NPAS3: variants seen among roughly 807,000 people sequenced by gnomAD.
NPAS3 encodes neuronal PAS domain-containing protein 3.
In NPAS3, 14 loss-of-function variants were observed where a neutral mutation model predicts 73.1. The observed-to-expected ratio is 0.19, with a 90% confidence interval of 0.13 to 0.30. The LOEUF is 0.30. NPAS3 is among the 10% of genes least tolerant of loss of function. The probability of loss-of-function intolerance (pLI) is 1.00; values close to 1 mark genes in which losing one functional copy is unlikely to be tolerated. For synonymous variants in NPAS3, 620 were observed against 541.5 expected (o/e 1.14, Z -2.01); for missense variants, 1,096 against 1,250.0 (o/e 0.88, Z 1.86).
intron 1 of NPAS3, among the ~76,000 whole-genome samples, chr14:32,957,402 C>G (rs571991541): frequency 6.9e-6 from 1 of 144,394 alleles, no homozygotes; most frequent in African/African-American, 2.6e-5. Context: ...AATGGAGTCT[C>G]GCTCTGTGGC....
chr14:33,174,998 C>T (rs910589196), intron 2 of NPAS3, among the ~76,000 whole-genome samples: 1 of 152,134 alleles, frequency 6.6e-6, no homozygotes, highest in African/African-American at 2.4e-5. Context: ...AAAAAGGAAA[C>T]AAACATTGAG....
At chr14:33,121,981 A>ACTTACAGTGTATTTTC (rs1566582295) in intron 2 of NPAS3, among the ~76,000 whole-genome samples, 1 of 152,186 alleles carries the variant, frequency 6.6e-6, no homozygotes, top group Non-Finnish European at 1.5e-5. Flanking sequence ...AGTGTATTTT[A>ACTTACAGTGTATTTTC]CTTACAGTGT....
chr14:33,750,021 C>A (rs923525548), intron 7 of NPAS3, among the ~76,000 whole-genome samples: 5 of 152,076 alleles, frequency 3.3e-5, no homozygotes, highest in Admixed American at 3.3e-4. Context: ...GCCATCCAGT[C>A]CTAAAAAATT....
intron 4 of NPAS3, among the ~76,000 whole-genome samples, chr14:33,372,345 T>C (rs1489870460): frequency 6.6e-6 from 1 of 152,202 alleles, no homozygotes; most frequent in Non-Finnish European, 1.5e-5. Flanking sequence ...GTCTCTGCTG[T>C]GCATATCTAA....
intron 4 of NPAS3, among the ~76,000 whole-genome samples, chr14:33,383,066 G>A (rs528938143): frequency 6.6e-4 from 90 of 135,450 alleles, no homozygotes; most frequent in African/African-American, 2.5e-3. Flanking sequence ...CAGCCTGTGT[G>A]ACAGAGCAAA....
At chr14:33,357,430 C>T (rs965617250) in intron 3 of NPAS3, among the ~76,000 whole-genome samples, 5 of 152,104 alleles carry the variant, frequency 3.3e-5, no homozygotes, top group African/African-American at 9.7e-5. Flanking sequence ...GCAGTTGGCT[C>T]GCAGGGTTTG....
At chr14:33,190,069 T>C (rs1271464258) in intron 2 of NPAS3, among the ~76,000 whole-genome samples, 6 of 152,214 alleles carry the variant, frequency 3.9e-5, no homozygotes, top group African/African-American at 1.4e-4. Context: ...CACACTCCTA[T>C]AATACATCAA....
intron 7 of NPAS3, among the ~76,000 whole-genome samples, chr14:33,736,541 T>A (rs891655734): frequency 4.6e-5 from 7 of 152,192 alleles, no homozygotes; most frequent in African/African-American, 1.7e-4. Flanking sequence ...ACAGACCCTA[T>A]CCTTAGGACC....
intron 2 of NPAS3, among the ~76,000 whole-genome samples, chr14:33,099,362 T>TA (rs1046948921): frequency 6.6e-6 from 1 of 152,194 alleles, no homozygotes; most frequent in Non-Finnish European, 1.5e-5. Context: ...CATACATACA[T>TA]ACAAAATTCT....
chr14:33,123,144 T>C (rs144307081), intron 2 of NPAS3, among the ~76,000 whole-genome samples: 350 of 152,218 alleles, frequency 2.3e-3, no homozygotes, highest in African/African-American at 7.1e-3. Context: ...GTATTTTATG[T>C]AGAAGATAAA....
chr14:33,778,603 C>CACACA, intron 9 of NPAS3, 31 bp downstream of exon 9: 1 of 1,443,206 alleles, frequency 6.9e-7, no homozygotes, highest in Non-Finnish European at 9.8e-7. Flanking sequence ...GGAATAACCC[C>CACACA]GGCTGGTGTC....
At chr14:33,505,694 C>T (rs1239455649) in intron 4 of NPAS3, among the ~76,000 whole-genome samples, 1 of 151,960 alleles carries the variant, frequency 6.6e-6, no homozygotes, top group African/African-American at 2.4e-5. Flanking sequence ...ACAGAACTTT[C>T]CAAATTAGGG....
At chr14:33,422,697 A>C (rs2048405248) in intron 4 of NPAS3, among the ~76,000 whole-genome samples, 1 of 151,974 alleles carries the variant, frequency 6.6e-6, no homozygotes, top group Non-Finnish European at 1.5e-5. Flanking sequence ...TATCTGTTGA[A>C]TGAATTAACT....
At chr14:33,080,941 A>T (rs1037020041) in intron 2 of NPAS3, among the ~76,000 whole-genome samples, 1 of 152,176 alleles carries the variant, frequency 6.6e-6, no homozygotes. Context: ...TATTTCCTGA[A>T]GTGTTTCCCA....
intron 1 of NPAS3, among the ~76,000 whole-genome samples, chr14:32,973,285 T>C (rs2037514779): frequency 1.3e-5 from 2 of 152,160 alleles, no homozygotes; most frequent in Admixed American, 1.3e-4. Flanking sequence ...TTGTCTCTTA[T>C]TAATTTTTTT....
chr14:33,286,655 C>T (rs1299213795), intron 3 of NPAS3, among the ~76,000 whole-genome samples: 4 of 151,526 alleles, frequency 2.6e-5, no homozygotes, highest in African/African-American at 9.7e-5. Flanking sequence ...AATGTGAGGG[C>T]TTTTCTTGGC....
At chr14:33,213,527 T>C (rs1392246429) in intron 2 of NPAS3, among the ~76,000 whole-genome samples, 3 of 152,336 alleles carry the variant, frequency 2.0e-5, no homozygotes, top group East Asian at 3.9e-4. Flanking sequence ...CTCTCACTTA[T>C]GTAGCTTTCA....
rs186866958 is a variant in NPAS3, at chr14:33,769,716, T to G, written c.853-4621T>G. Among the ~76,000 whole-genome samples, 463 of 150,624 alleles carry G rather than the reference T, an allele frequency of 3.1e-3. 5 individuals carry two copies. The highest frequency in any genetic ancestry group is 0.011 in the African/African-American group (432 of 41,116). ...CCTAGGCACTTTGCACACATTTTCATTCCCTCCAACCAGCCCTGAAAGACT... is the reference window on the plus strand; with the variant it reads ...CCTAGGCACTTTGCACACATTTTCAGTCCCTCCAACCAGCCCTGAAAGACT... On this transcript the variant is annotated intron_variant, in intron 7 of 11. Transcript: ENST00000356141.
At chr14:33,104,728 A>G (rs909300347) in intron 2 of NPAS3, among the ~76,000 whole-genome samples, 5 of 152,214 alleles carry the variant, frequency 3.3e-5, no homozygotes, top group Non-Finnish European at 5.9e-5. Context: ...TGCAATTGCT[A>G]CATCACACAG....
Sources: gnomAD v4.1 joint callset for allele counts (sites outside exome capture counted in the v4.1 genomes callset) on GRCh38, gnomAD v4.1.1 for gene constraint, MANE v1.5 for transcripts, NCBI Gene and HGNC (gene_info 2026-07-23, HGNC 2026-07-21) for gene names.